ELAVL4: variants seen among roughly 807,000 people sequenced by gnomAD.
ELAVL4 encodes ELAV-like protein 4.
ELAVL4 carries 1 observed loss-of-function variant against 35.6 expected under a neutral mutation model. That is an observed-to-expected ratio of 0.03 (90% CI 0.01 to 0.13). The LOEUF (loss-of-function observed/expected upper bound fraction) is 0.13, where lower values mean the gene tolerates loss of function less well. Ranked by LOEUF, ELAVL4 falls within the 10% of genes least tolerant of loss-of-function variation. The probability of loss-of-function intolerance (pLI) is 1.00; values close to 1 mark genes in which losing one functional copy is unlikely to be tolerated. For synonymous variants in ELAVL4, 156 were observed against 171.0 expected (o/e 0.91, Z 0.69); for missense variants, 267 against 464.9 (o/e 0.57, Z 3.91).
At chr1:50,156,770 T>C (rs1450137269) in intron 2 of ELAVL4, among the ~76,000 whole-genome samples, 1 of 152,210 alleles carries the variant, frequency 6.6e-6, no homozygotes, top group Non-Finnish European at 1.5e-5. Flanking sequence ...CATACCCATG[T>C]CTGTCTGCCA....
At chr1:50,091,230 C>G (rs1665479091) in intron 1 of ELAVL4, among the ~76,000 whole-genome samples, 1 of 152,236 alleles carries the variant, frequency 6.6e-6, no homozygotes, top group South Asian at 2.1e-4. Flanking sequence ...CGCACGCTCA[C>G]ACCTGGCTGC....
chr1:50,053,633 A>G (rs1478377245), intron 1 of ELAVL4, among the ~76,000 whole-genome samples: 1 of 152,156 alleles, frequency 6.6e-6, no homozygotes, highest in Non-Finnish European at 1.5e-5. Flanking sequence ...TATAGGCAAG[A>G]TTGATTGATA....
chr1:50,093,944 A>G (rs1665604227), intron 1 of ELAVL4, among the ~76,000 whole-genome samples: 1 of 152,218 alleles, frequency 6.6e-6, no homozygotes, highest in Non-Finnish European at 1.5e-5. Context: ...ATGTCAATGC[A>G]GAGATAATAA....
At chr1:50,106,335 T>C (rs190781275), upstream of ELAVL4, 7 of 1,613,648 alleles carry the variant, frequency 4.3e-6, no homozygotes, top group South Asian at 1.1e-5. Context: ...CTGACTGATA[T>C]GAGATTACTT....
chr1:50,130,060 T>C (rs1300913832), intron 1 of ELAVL4, among the ~76,000 whole-genome samples: 1 of 152,146 alleles, frequency 6.6e-6, no homozygotes, highest in African/African-American at 2.4e-5. Context: ...CCAAGTCGGA[T>C]CACCTCCAAA....
intron 2 of ELAVL4, among the ~76,000 whole-genome samples, chr1:50,148,055 T>A (rs1674054546): frequency 1.3e-5 from 2 of 152,212 alleles, no homozygotes; most frequent in African/African-American, 4.8e-5. Flanking sequence ...GACATAAACA[T>A]CACCATTTAT....
intron 3 of ELAVL4, 126 bp from the exon 4 acceptor site, chr1:50,193,639 G>T: frequency 8.4e-7 from 1 of 1,196,000 alleles, no homozygotes; most frequent in African/African-American, 1.5e-5. Flanking sequence ...CTGAACTACT[G>T]AGTGATTTAA....
intron 1 of ELAVL4, among the ~76,000 whole-genome samples, chr1:50,121,346 G>T (rs1164466160): frequency 6.6e-6 from 1 of 151,934 alleles, no homozygotes; most frequent in Non-Finnish European, 1.5e-5. Flanking sequence ...ATATTAGTAA[G>T]TTACTAGATT....
rs528565546 is a variant in ELAVL4 at position 50,165,529 on chromosome 1, A to G, written c.251-11560A>G. Among the ~76,000 whole-genome samples the G allele has an allele frequency of 3.3e-5, 5 of 149,752 alleles. No homozygotes were observed. The South Asian group carries it at 8.4e-4, about 25-fold the overall frequency. On this transcript the variant is annotated intron_variant, in intron 2 of 6. Transcript: ENST00000371824. ...ATACTATGCATATATACGTATATAC[A>G]TATACCTATATGTATATATAGTATA...
upstream of ELAVL4, among the ~76,000 whole-genome samples, chr1:50,104,253 A>ATG (rs1234862511): frequency 1.3e-5 from 2 of 152,212 alleles, no homozygotes; most frequent in East Asian, 3.8e-4. Context: ...ACCTTGAGAT[A>ATG]AACACTCTTT....
At chr1:50,141,438 G>A (rs1476146108) in intron 1 of ELAVL4, among the ~76,000 whole-genome samples, 1 of 152,184 alleles carries the variant, frequency 6.6e-6, no homozygotes, top group African/African-American at 2.4e-5. Flanking sequence ...CGAGTTGGCA[G>A]TGCTTCTTAT....
intron 2 of ELAVL4, among the ~76,000 whole-genome samples, chr1:50,165,381 C>T (rs1677567381): frequency 1.3e-5 from 2 of 151,422 alleles, no homozygotes; most frequent in South Asian, 4.2e-4. Flanking sequence ...CTTACCTGAC[C>T]ATCTGTATTA....
At chr1:50,123,566 C>G (rs918986096) in intron 1 of ELAVL4, among the ~76,000 whole-genome samples, 1 of 152,012 alleles carries the variant, frequency 6.6e-6, no homozygotes, top group Non-Finnish European at 1.5e-5. Context: ...TATAAGCACA[C>G]AATTAAGATG....
intron 1 of ELAVL4, among the ~76,000 whole-genome samples, chr1:50,136,207 T>C (rs180962407): frequency 2.6e-5 from 4 of 152,170 alleles, no homozygotes; most frequent in African/African-American, 4.8e-5. Context: ...GTGAGGAATT[T>C]TACAAAAAAA....
Position 50,108,958 on chromosome 1 carries a change from C to T in ELAVL4, c.-232C>T, listed in dbSNP as rs1666605524. On this transcript the variant is annotated 5_prime_UTR_variant, in exon 1 of 7. Transcript: ENST00000371824. ...CAAGGCTCTGTTCAGTTGTTCTTAT[C>T]TACATCCTAGAATCGGGGGTTTCAG... 8.1e-7 allele frequency: 1 copy of T among 1,232,778 alleles called. No individual in the cohort carries two copies. The highest frequency in any genetic ancestry group is 1.0e-6 in the Non-Finnish European group (1 of 986,994). 76.4% of individuals were successfully genotyped at this position (1,232,778 alleles called of 1,614,324 possible).
chr1:50,143,744 G>A (rs924131945), intron 1 of ELAVL4, among the ~76,000 whole-genome samples: 6 of 152,060 alleles, frequency 3.9e-5, no homozygotes, highest in South Asian at 2.1e-4. Context: ...GGAAAGTTGC[G>A]AATTATGGGC....
chr1:50,116,494 G>A (rs1285898113), intron 1 of ELAVL4, among the ~76,000 whole-genome samples: 1 of 151,660 alleles, frequency 6.6e-6, no homozygotes, highest in Non-Finnish European at 1.5e-5. Context: ...GCCAATAATG[G>A]CTTCTAAAGT....
At chr1:50,113,187 T>C (rs1667365524) in intron 1 of ELAVL4, among the ~76,000 whole-genome samples, 2 of 152,014 alleles carry the variant, frequency 1.3e-5, no homozygotes, top group South Asian at 4.1e-4. Flanking sequence ...TTAGAGTTAC[T>C]GTGAACAACA....
chr1:50,084,244 T>A (rs1665135644), intron 1 of ELAVL4, among the ~76,000 whole-genome samples: 1 of 152,224 alleles, frequency 6.6e-6, no homozygotes, highest in Admixed American at 6.5e-5. Flanking sequence ...TAAAGTTCTT[T>A]AAATAAGGCA....
Sources: allele counts gnomAD v4.1 joint callset (sites outside exome capture counted in the v4.1 genomes callset), GRCh38; gene constraint gnomAD v4.1.1; transcripts MANE v1.5; gene names NCBI Gene and HGNC (gene_info 2026-07-23, HGNC 2026-07-21).